The following CSMD1 variants were observed in gnomAD, a reference collection of about 807,000 sequenced individuals.
The protein encoded by CSMD1 is CUB and sushi domain-containing protein 1.
In CSMD1, 213 loss-of-function variants were observed where a neutral mutation model predicts 417.5. The ratio of observed to expected loss-of-function variants is 0.51; its 90% CI spans 0.46 to 0.57. CSMD1 has a LOEUF of 0.57. Among genes scored for constraint, CSMD1 ranks in the 20% least tolerant of loss-of-function variants. The pLI, the probability that CSMD1 is intolerant of heterozygous loss-of-function variation, is 0.00. For synonymous variants in CSMD1, 2,862 were observed against 1,736.8 expected (o/e 1.65, Z -16.11); for missense variants, 6,923 against 4,529.7 (o/e 1.53, Z -15.17).
intron 21 of CSMD1, among the ~76,000 whole-genome samples, chr8:3,351,624 G>T (rs532275050): frequency 6.8e-6 from 1 of 147,608 alleles, no homozygotes; most frequent in Admixed American, 6.8e-5. Context: ...GAAAAGAAAA[G>T]AAAGGAAAGT....
At chr8:4,125,174 T>C (rs909087907) in intron 3 of CSMD1, among the ~76,000 whole-genome samples, 2 of 151,858 alleles carry the variant, frequency 1.3e-5, no homozygotes, top group African/African-American at 4.8e-5. Flanking sequence ...GGAAGATAAC[T>C]CTTGGGGCCC....
At chr8:2,951,359 C>T in intron 65 of CSMD1, 84 bp from the exon 66 acceptor site, 3 of 1,375,932 alleles carry the variant, frequency 2.2e-6, no homozygotes, top group South Asian at 1.5e-5. Context: ...AGGCATCATA[C>T]TGCTTAGCGA....
At chr8:4,344,629 A>C (rs1800677291) in intron 3 of CSMD1, among the ~76,000 whole-genome samples, 1 of 151,846 alleles carries the variant, frequency 6.6e-6, no homozygotes, top group Non-Finnish European at 1.5e-5. Context: ...CTATGCTCAA[A>C]GGAAGGTTTG....
At chr8:3,809,803 A>C (rs1482046387) in intron 5 of CSMD1, among the ~76,000 whole-genome samples, 1 of 152,062 alleles carries the variant, frequency 6.6e-6, no homozygotes, top group Non-Finnish European at 1.5e-5. Flanking sequence ...ATTAGGAGAA[A>C]ATGCACTGTT....
At chr8:3,854,369 G>A (rs142899931) in intron 5 of CSMD1, among the ~76,000 whole-genome samples, 2 of 151,818 alleles carry the variant, frequency 1.3e-5, no homozygotes, top group East Asian at 1.9e-4. Flanking sequence ...TTGATTTTAA[G>A]AACACAGATA....
At chr8:4,466,538 G>C (rs894532813) in intron 2 of CSMD1, among the ~76,000 whole-genome samples, 1 of 152,152 alleles carries the variant, frequency 6.6e-6, no homozygotes, top group Non-Finnish European at 1.5e-5. Flanking sequence ...GCTGTGTTTG[G>C]AAAACCATGA....
chr8:3,472,254 C>T (rs369863513), intron 11 of CSMD1, among the ~76,000 whole-genome samples: 4 of 152,180 alleles, frequency 2.6e-5, no homozygotes, highest in East Asian at 1.9e-4. Flanking sequence ...TTGCACCTTC[C>T]TACTCTTTAT....
At chr8:4,198,483 C>G (rs1375438870) in intron 3 of CSMD1, among the ~76,000 whole-genome samples, 1 of 151,956 alleles carries the variant, frequency 6.6e-6, no homozygotes, top group African/African-American at 2.4e-5. Context: ...AAAGAAATCA[C>G]TAGAGGATGA....
chr8:4,053,617 T>C (rs934209936), intron 3 of CSMD1, among the ~76,000 whole-genome samples: 5 of 152,162 alleles, frequency 3.3e-5, no homozygotes, highest in African/African-American at 1.2e-4. Flanking sequence ...TTTCTATTAC[T>C]ACAGATTTCA....
chr8:4,404,013 G>C (rs775368534), intron 3 of CSMD1, among the ~76,000 whole-genome samples: 1 of 152,122 alleles, frequency 6.6e-6, no homozygotes, highest in Non-Finnish European at 1.5e-5. Context: ...TAGCAAACTC[G>C]ATTGGTATTA....
intron 30 of CSMD1, among the ~76,000 whole-genome samples, chr8:3,207,601 C>T (rs1488061730): frequency 1.3e-5 from 2 of 152,042 alleles, no homozygotes; most frequent in Non-Finnish European, 2.9e-5. Flanking sequence ...AAGGATAAGG[C>T]AACTTGTTAA....
At chr8:4,470,926 TA>T (rs1800494064) in intron 2 of CSMD1, among the ~76,000 whole-genome samples, 1 of 151,774 alleles carries the variant, frequency 6.6e-6, no homozygotes, top group South Asian at 2.1e-4. Flanking sequence ...AATGTGTAAA[TA>T]AGTATTTTTG....
At chr8:3,111,783 G>C (rs1816534197) in intron 42 of CSMD1, among the ~76,000 whole-genome samples, 1 of 152,084 alleles carries the variant, frequency 6.6e-6, no homozygotes, top group Admixed American at 6.5e-5. Context: ...AGTAAGCCGA[G>C]ATTGTGCCAT....
At chr8:3,696,651 C>A (rs114211671) in intron 7 of CSMD1, among the ~76,000 whole-genome samples, 2,051 of 152,230 alleles carry the variant, frequency 0.013, 45 homozygotes, top group African/African-American at 0.046. Flanking sequence ...CCCTGATGCA[C>A]ATTAAAGCTC....
intron 2 of CSMD1, among the ~76,000 whole-genome samples, chr8:4,554,823 T>C (rs1445301453): frequency 1.3e-5 from 2 of 152,312 alleles, no homozygotes; most frequent in South Asian, 4.1e-4. Context: ...TCCAGTATTT[T>C]CTGAGTAAGC....
intron 3 of CSMD1, among the ~76,000 whole-genome samples, chr8:4,242,031 C>T (rs1032722086): frequency 6.6e-6 from 1 of 152,070 alleles, no homozygotes; most frequent in Non-Finnish European, 1.5e-5. Context: ...TGTTTTAATA[C>T]CTTTTGACTT....
intron 3 of CSMD1, among the ~76,000 whole-genome samples, chr8:4,214,535 C>G (rs927386940): frequency 6.6e-6 from 1 of 152,142 alleles, no homozygotes; most frequent in Non-Finnish European, 1.5e-5. Context: ...TGAGCTCATG[C>G]AGTCTGTCTG....
intron 10 of CSMD1, among the ~76,000 whole-genome samples, chr8:3,527,593 C>T (rs896427795): frequency 6.6e-6 from 1 of 152,056 alleles, no homozygotes; most frequent in African/African-American, 2.4e-5. Flanking sequence ...TCTATACACA[C>T]ACACACACAC....
chr8:3,601,503 G>A (rs1801359840), intron 8 of CSMD1, among the ~76,000 whole-genome samples: 1 of 152,144 alleles, frequency 6.6e-6, no homozygotes, highest in Admixed American at 6.5e-5. Flanking sequence ...CAGGCCAATG[G>A]TTACCAACCT....
Sources: gnomAD v4.1 joint callset for allele counts (sites outside exome capture counted in the v4.1 genomes callset) on GRCh38, gnomAD v4.1.1 for gene constraint, MANE v1.5 for transcripts, NCBI Gene and HGNC (gene_info 2026-07-23, HGNC 2026-07-21) for gene names.